FOCAD: variants seen among roughly 807,000 people sequenced by gnomAD.
The protein encoded by FOCAD is focadhesin.
Under a neutral mutation model 225.6 loss-of-function variants are expected in FOCAD, and 198 were observed. That is an observed-to-expected ratio of 0.88 (90% CI 0.78 to 0.99). The LOEUF is 0.99. Among genes scored for constraint, FOCAD ranks in the 50% least tolerant of loss-of-function variants. FOCAD has a pLI of 0.00. For missense variants in FOCAD, 2,713 were observed against 2,123.6 expected (o/e 1.28, Z -5.46); for synonymous variants, 897 against 755.0 (o/e 1.19, Z -3.08).
intron 8 of FOCAD, among the ~76,000 whole-genome samples, chr9:20,776,830 G>T (rs552835929): frequency 1.3e-5 from 2 of 152,250 alleles, no homozygotes; most frequent in East Asian, 3.9e-4. Flanking sequence ...AGGTTTAAGT[G>T]ATCTTGTTGG....
At chr9:20,810,852 T>A (rs1822987236) in intron 11 of FOCAD, among the ~76,000 whole-genome samples, 1 of 152,108 alleles carries the variant, frequency 6.6e-6, no homozygotes, top group African/African-American at 2.4e-5. Context: ...TATCTTATTC[T>A]AGTCTGCAGT....
intron 2 of FOCAD, among the ~76,000 whole-genome samples, chr9:20,669,410 T>C (rs1821990546): frequency 6.6e-6 from 1 of 152,210 alleles, no homozygotes; most frequent in African/African-American, 2.4e-5. Flanking sequence ...TAATTCAGGA[T>C]TCTTGGGCCC....
At chr9:20,982,500 T>C in intron 39 of FOCAD, 54 bp downstream of exon 39, 1 of 1,445,724 alleles carries the variant, frequency 6.9e-7, no homozygotes, top group Non-Finnish European at 9.7e-7. Context: ...AAATTACGAT[T>C]GAATAATTGA....
At chr9:20,663,452 T>G (rs1034137431) in intron 2 of FOCAD, among the ~76,000 whole-genome samples, 3 of 149,094 alleles carry the variant, frequency 2.0e-5, no homozygotes, top group African/African-American at 7.5e-5. Flanking sequence ...TATTACCTAC[T>G]ACATGTATGC....
At chr9:20,846,046 A>G (rs1339898560) in intron 15 of FOCAD, among the ~76,000 whole-genome samples, 2 of 152,096 alleles carry the variant, frequency 1.3e-5, no homozygotes, top group African/African-American at 2.4e-5. Flanking sequence ...TGCAAGGAGG[A>G]GTGCTCAGAT....
At chr9:20,912,566 G>A (rs1289326090) in intron 22 of FOCAD, among the ~76,000 whole-genome samples, 1 of 152,100 alleles carries the variant, frequency 6.6e-6, no homozygotes, top group Non-Finnish European at 1.5e-5. Context: ...CTAGCAGGTA[G>A]ATTTTTTAAA....
At chr9:20,867,220 T>C (rs572389158) in intron 18 of FOCAD, among the ~76,000 whole-genome samples, 15 of 151,980 alleles carry the variant, frequency 9.9e-5, no homozygotes, top group Non-Finnish European at 2.1e-4. Context: ...ATGATGCAAA[T>C]GAAATCTTCT....
At chr9:20,837,459 A>G (rs1474302715) in intron 15 of FOCAD, among the ~76,000 whole-genome samples, 1 of 152,102 alleles carries the variant, frequency 6.6e-6, no homozygotes. Flanking sequence ...GGAAATAATG[A>G]CATGACTAAA....
At chr9:20,769,995 G>T in intron 7 of FOCAD, 37 bp from the exon 8 acceptor site, 2 of 1,551,186 alleles carry the variant, frequency 1.3e-6, no homozygotes, top group Non-Finnish European at 1.8e-6. Flanking sequence ...TTTGGTTTGT[G>T]TATTTTTTAA....
intron 11 of FOCAD, among the ~76,000 whole-genome samples, chr9:20,804,264 A>G (rs1014379800): frequency 1.3e-5 from 2 of 152,054 alleles, no homozygotes; most frequent in Admixed American, 6.6e-5. Flanking sequence ...AGTATTTGCT[A>G]TAATCAAGTA....
At chr9:20,728,541 G>C (rs918786047) in intron 4 of FOCAD, among the ~76,000 whole-genome samples, 1 of 152,166 alleles carries the variant, frequency 6.6e-6, no homozygotes, top group African/African-American at 2.4e-5. Flanking sequence ...TTGTTGATTA[G>C]GGATACTTAG....
chr9:20,680,737 C>T (rs150040691), upstream of FOCAD, among the ~76,000 whole-genome samples: 736 of 152,040 alleles, frequency 4.8e-3, 4 homozygotes, highest in African/African-American at 0.017. Flanking sequence ...GAGGCCGAGG[C>T]GGGAGGATAA....
intron 35 of FOCAD, among the ~76,000 whole-genome samples, chr9:20,958,737 T>G (rs565155238): frequency 2.0e-5 from 3 of 152,262 alleles, no homozygotes; most frequent in African/African-American, 7.2e-5. Flanking sequence ...ACTTTTTACT[T>G]CTGAGAGATC....
At chr9:20,943,545 C>T (rs1228318186) in intron 28 of FOCAD, among the ~76,000 whole-genome samples, 1 of 152,134 alleles carries the variant, frequency 6.6e-6, no homozygotes, top group East Asian at 1.9e-4. Flanking sequence ...TTCTGGGTAT[C>T]TTCTTTTAGG....
chr9:20,934,901 G>C (rs1835813453), intron 28 of FOCAD, among the ~76,000 whole-genome samples: 1 of 151,880 alleles, frequency 6.6e-6, no homozygotes, highest in African/African-American at 2.4e-5. Flanking sequence ...AAGATACTTA[G>C]GAATATACCT....
chr9:20,741,851 A>G (rs539917144), intron 5 of FOCAD, among the ~76,000 whole-genome samples: 7 of 152,152 alleles, frequency 4.6e-5, no homozygotes, highest in Non-Finnish European at 1.0e-4. Flanking sequence ...CTCTTGGGCC[A>G]GAGTTCAGGA....
At chr9:20,975,413 A>T (rs1840144309) in intron 35 of FOCAD, among the ~76,000 whole-genome samples, 1 of 152,200 alleles carries the variant, frequency 6.6e-6, no homozygotes, top group Non-Finnish European at 1.5e-5. Context: ...TTAGATGCTC[A>T]CTTCTAGAAC....
At chr9:20,771,727 C>A (rs1818252028) in intron 8 of FOCAD, among the ~76,000 whole-genome samples, 1 of 152,170 alleles carries the variant, frequency 6.6e-6, no homozygotes, top group Non-Finnish European at 1.5e-5. Flanking sequence ...TGCACTCCAG[C>A]CTGGGCGACA....
At chr9:20,700,339 A>G (rs1823838311) in intron 1 of FOCAD, among the ~76,000 whole-genome samples, 1 of 152,138 alleles carries the variant, frequency 6.6e-6, no homozygotes, top group African/African-American at 2.4e-5. Flanking sequence ...CATCTCTATT[A>G]GATTCAGCTG....
Sources: gnomAD v4.1 joint callset for allele counts (sites outside exome capture counted in the v4.1 genomes callset) on GRCh38, gnomAD v4.1.1 for gene constraint, MANE v1.5 for transcripts, NCBI Gene and HGNC (gene_info 2026-07-23, HGNC 2026-07-21) for gene names.